BLZF1: variants seen among roughly 807,000 people sequenced by gnomAD.
BLZF1 encodes basic leucine zipper nuclear factor 1, also known as golgin-45.
A neutral mutation model predicts 43.8 loss-of-function variants in BLZF1; 39 were observed. That is an observed-to-expected ratio of 0.89 (90% CI 0.69 to 1.16). The LOEUF (loss-of-function observed/expected upper bound fraction) is 1.16, where lower values mean the gene tolerates loss of function less well. BLZF1 is among the 50% of genes most tolerant of loss of function. The pLI is 0.00. For missense variants in BLZF1, 449 were observed against 469.8 expected (o/e 0.96, Z 0.41); for synonymous variants, 136 against 159.4 (o/e 0.85, Z 1.11).
At chr1:169,389,966 TTTAG>T (rs1424256283), downstream of BLZF1, among the ~76,000 whole-genome samples, 2 of 152,120 alleles carry the variant, frequency 1.3e-5, no homozygotes, top group Admixed American at 1.3e-4. Context: ...GAAGTTTTTA[TTTAG>T]TGGGTATAGA....
At chr1:169,395,254 A>C (rs1437134779) in intron 7 of BLZF1, 22 of 1,494,274 alleles carry the variant, frequency 1.5e-5, no homozygotes, top group Admixed American at 2.1e-5. Flanking sequence ...ACCTGAATAC[A>C]CTCTTCATGC....
intron 4 of BLZF1, 75 bp downstream of exon 4, chr1:169,378,604 G>A (rs1654437848): frequency 1.4e-6 from 2 of 1,402,256 alleles, no homozygotes; most frequent in Non-Finnish European, 2.0e-6. Flanking sequence ...ACACAAGAAA[G>A]TAGATTGTAG....
At chr1:169,380,092 G>A (rs1654478892) in intron 4 of BLZF1, among the ~76,000 whole-genome samples, 2 of 151,700 alleles carry the variant, frequency 1.3e-5, no homozygotes, top group Admixed American at 1.3e-4. Context: ...TTTTCTGGGG[G>A]CAAAGAGGTA....
At position 169,394,945 on chromosome 1, in the gene BLZF1, A is replaced by G. The variant is rs115136392; in HGVS notation, c.*28-949A>G. 9.9e-4 allele frequency: 1,057 copies of G among 1,062,366 alleles called. 7 individuals carry two copies. In the African/African-American group the frequency reaches 0.016, roughly 16 times the overall value. 65.8% of individuals were successfully genotyped at this position (1,062,366 alleles called of 1,614,324 possible). A position where few individuals can be genotyped will look rare whatever the true frequency, so the allele number is the denominator to read the frequency against. On this transcript the variant is annotated intron_variant, in intron 7 of 7. Coordinates refer to the BLZF1 transcript ENST00000329281. The stretch of plus-strand genomic sequence containing the variant: ...AATTCACTGTCAATAAAAGATAAAT[A>G]CCATTTCCATAATTTAGAATACAAC...
rs752449008 is a variant in BLZF1, at chr1:169,382,204, G to C, written c.940G>C (p.Val314Leu). The stretch of plus-strand genomic sequence containing the variant: ...AGTAAATTCTCATCTTCTGGGAAAT[G>C]TTGGCATTAACAATCAAAAAAAGAT... ...KAVNSHLLGN[V>L]GINNQKKIPS... The change falls in exon 6 of 7, where the codon GTT becomes CTT. Residue 314 changes from valine to leucine, a missense_variant. By Grantham distance (32) the Val-to-Leu change is conservative. Coordinates refer to ENST00000367808, the MANE Select transcript of BLZF1 (RefSeq NM_001320973.2). 6.2e-7 allele frequency: 1 copy of C among 1,613,744 alleles called. No homozygotes were observed.
downstream of BLZF1, among the ~76,000 whole-genome samples, chr1:169,390,087 TA>T (rs1436023777): frequency 6.6e-6 from 1 of 152,202 alleles, no homozygotes; most frequent in Non-Finnish European, 1.5e-5. Flanking sequence ...AAAAAATATT[TA>T]AAATGGTAAA....
At chr1:169,386,092 G>T (rs1432612115) in intron 6 of BLZF1, among the ~76,000 whole-genome samples, 1 of 152,158 alleles carries the variant, frequency 6.6e-6, no homozygotes, top group Non-Finnish European at 1.5e-5. Context: ...TTCAGCTCAA[G>T]AGTTCCTGTT....
rs528212095 is a variant in BLZF1, at chr1:169,385,302, CTT to C, written c.1018-1694_1018-1693del. ...TCTCTTAAACTTTTCAGTCCCATTG[CTT>C]CAAGGTGCCATCATTTCTTAGCTAG... On this transcript the variant is annotated intron_variant, in intron 6 of 6. Transcript: ENST00000367808. Among the ~76,000 whole-genome samples the C allele has an allele frequency of 3.1e-4, 47 of 152,316 alleles. No homozygotes were observed. The East Asian group carries it at 8.5e-3, about 27-fold the overall frequency.
intron 4 of BLZF1, among the ~76,000 whole-genome samples, chr1:169,380,119 A>G (rs1336504505): frequency 6.6e-6 from 1 of 151,860 alleles, no homozygotes; most frequent in Non-Finnish European, 1.5e-5. Flanking sequence ...TGAAGAAGAT[A>G]ATTTAGTTTT....
chr1:169,382,422 G>A (rs1048990758), intron 6 of BLZF1, 141 bp downstream of exon 6: 11 of 692,700 alleles, frequency 1.6e-5, no homozygotes, highest in Non-Finnish European at 2.4e-5. Context: ...GTGTTATCTT[G>A]GAGAAAATTA....
At chr1:169,369,572 G>GT (rs1557844565) in intron 2 of BLZF1, 22 bp downstream of exon 2, 1 of 1,566,908 alleles carries the variant, frequency 6.4e-7, no homozygotes, top group Admixed American at 1.7e-5. Context: ...TTTTATAATT[G>GT]TTTTTAAAAC....
chr1:169,386,684 A>AAC (rs1207127434), intron 6 of BLZF1, among the ~76,000 whole-genome samples: 2 of 151,766 alleles, frequency 1.3e-5, no homozygotes. Flanking sequence ...ATCTCAAAAA[A>AAC]AAAAAAAAAA....
Position 169,382,131 on chromosome 1 carries a change from CCACAG to C in BLZF1, c.875_879del (p.Thr292ArgfsTer24). 1.2e-5 allele frequency: 19 copies of C among 1,613,816 alleles called. No individual in the cohort carries two copies. Among genetic ancestry groups the C allele is most frequent in the African/African-American group, 2.7e-5 (2 of 75,008 alleles). ...AAACTTACTCCCCTAGTGTACAACC[CCACAG>C]CACAGCAGAGCTAGCATTAACAAAT... is the stretch of plus-strand genomic sequence containing the variant. On this transcript the variant is annotated frameshift_variant, in exon 6 of 7. Transcript: ENST00000367808. LOFTEE classifies it high-confidence loss of function.
Position 169,394,563 on chromosome 1 carries a change from A to AT in BLZF1, c.*28-1325dup, listed in dbSNP as rs1654910082. ...TGTTTAGCTCTCACATATAGGGTGT[A>AT]TTTTTTAAGGTACTAACGGGTGGAA... On this transcript the variant is annotated intron_variant, in intron 7 of 7. Transcript: ENST00000329281. Among the ~76,000 whole-genome samples the AT allele has an allele frequency of 2.0e-5, 3 of 152,034 alleles. No individual in the cohort carries two copies. In the South Asian group the frequency reaches 6.2e-4, roughly 32 times the overall value.
At chr1:169,386,917 A>G in intron 6 of BLZF1, 80 bp from the exon 7 acceptor site, 1 of 952,542 alleles carries the variant, frequency 1.0e-6, no homozygotes, top group Non-Finnish European at 1.6e-6. Context: ...GAAACTTTAT[A>G]GGTAGGTATA....
At chr1:169,378,591 A>G (rs1199416431) in intron 4 of BLZF1, 62 bp downstream of exon 4, 28 of 1,507,002 alleles carry the variant, frequency 1.9e-5, no homozygotes, top group Non-Finnish European at 2.4e-5. Flanking sequence ...TTTTTGATCT[A>G]TAACACAAGA....
At chr1:169,379,140 A>G (rs1654451832) in intron 4 of BLZF1, among the ~76,000 whole-genome samples, 1 of 151,972 alleles carries the variant, frequency 6.6e-6, no homozygotes, top group African/African-American at 2.4e-5. Context: ...CTAGATAACA[A>G]GATCTGGATG....
At chr1:169,392,620 CTG>C (rs1268635630), downstream of BLZF1, among the ~76,000 whole-genome samples, 2 of 152,194 alleles carry the variant, frequency 1.3e-5, no homozygotes, top group African/African-American at 2.4e-5. Flanking sequence ...AGTCCCCAAG[CTG>C]TGAGTATCTT....
chr1:169,395,174 G>A (rs1654944438), intron 7 of BLZF1: 2 of 1,611,834 alleles, frequency 1.2e-6, no homozygotes, highest in African/African-American at 2.7e-5. Flanking sequence ...TTGTTGCTCT[G>A]CCATTTTTTC....
Sources: gnomAD v4.1 joint callset for allele counts (sites outside exome capture counted in the v4.1 genomes callset) on GRCh38, gnomAD v4.1.1 for gene constraint, MANE v1.5 for transcripts, NCBI Gene and HGNC (gene_info 2026-07-23, HGNC 2026-07-21) for gene names.